The following GKAP1 variants were observed in gnomAD, a reference collection of about 807,000 sequenced individuals.
GKAP1 encodes the protein G kinase-anchoring protein 1.
GKAP1 carries 31 observed loss-of-function variants against 56.7 expected under a neutral mutation model. The ratio of observed to expected loss-of-function variants is 0.55; its 90% confidence interval spans 0.41 to 0.74. The LOEUF (loss-of-function observed/expected upper bound fraction) is 0.74. Among genes scored for constraint, GKAP1 ranks in the 30% least tolerant of loss-of-function variants. The pLI is 0.00. For synonymous variants in GKAP1, 151 were observed against 138.6 expected (o/e 1.09, Z -0.63); for missense variants, 364 against 402.3 (o/e 0.90, Z 0.82).
chr9:83,816,440 A>G (rs1944597958), intron 2 of GKAP1, among the ~76,000 whole-genome samples: 1 of 152,216 alleles, frequency 6.6e-6, no homozygotes, highest in African/African-American at 2.4e-5. Context: ...AGTAAAATAC[A>G]TCTATTTTCA....
chr9:83,781,312 A>G (rs1463298460), intron 6 of GKAP1, among the ~76,000 whole-genome samples: 1 of 152,222 alleles, frequency 6.6e-6, no homozygotes, highest in East Asian at 1.9e-4. Flanking sequence ...GCAGAGAGCC[A>G]GGATCATGCT....
chr9:83,742,029 C>T lies in GKAP1; in HGVS notation c.976G>A (p.Val326Met). The T allele has an allele frequency of 6.3e-7, 1 of 1,578,582 alleles. No homozygotes were observed. Among genetic ancestry groups the T allele is most frequent in the Non-Finnish European group, 8.6e-7 (1 of 1,163,552 alleles). Residue 326 changes from valine (V) to methionine (M), a missense_variant and splice_region_variant, in exon 12 of 13, where the codon GTG becomes ATG. Transcript: ENST00000376371. ...TCTAATGCAGCATGAAGTGAAGTCA[C>T]CTATAACCAAATATTCAATAAGAAA... ...QSIKNELTIQ[V>M]TSLHAALEQE...
chr9:83,771,852 C>T (rs1265260866), intron 7 of GKAP1, among the ~76,000 whole-genome samples: 1 of 152,146 alleles, frequency 6.6e-6, no homozygotes, highest in African/African-American at 2.4e-5. Flanking sequence ...CTCTGGATTT[C>T]ATATCACTAG....
chr9:83,753,075 C>CATAAATA (rs745825765), intron 9 of GKAP1, among the ~76,000 whole-genome samples, 183 bp downstream of exon 9: 16 of 104,488 alleles, frequency 1.5e-4, no homozygotes, highest in African/African-American at 4.9e-4. Context: ...ACAACAACAA[C>CATAAATA]AACAACATAA....
chr9:83,789,462 A>G lies in GKAP1; in HGVS notation c.361-784T>C, dbSNP rs1944118641. ...GTATATAAGATAGCTGCAACATGAC[A>G]TGGGTAAACATCCTGGATTTGTGTA... On this transcript the variant is annotated intron_variant, in intron 4 of 12. Coordinates refer to ENST00000376371, the MANE Select transcript of GKAP1 (RefSeq NM_025211.4). 2.6e-5 allele frequency among the ~76,000 whole-genome samples: 4 copies of G among 152,318 alleles called. No homozygotes were observed. The South Asian group carries it at 8.3e-4, about 32-fold the overall frequency.
At chr9:83,774,145 ACAGG>A (rs1943811142) in intron 7 of GKAP1, among the ~76,000 whole-genome samples, 1 of 151,746 alleles carries the variant, frequency 6.6e-6, no homozygotes, top group Non-Finnish European at 1.5e-5. Flanking sequence ...TGCTGGGATT[ACAGG>A]CGTGAGCCAC....
chr9:83,752,161 T>C (rs1025873751), intron 9 of GKAP1, among the ~76,000 whole-genome samples: 3 of 152,100 alleles, frequency 2.0e-5, no homozygotes, highest in Middle Eastern at 6.3e-3. Context: ...CCCAACACCC[T>C]GAGAGGCCAA....
chr9:83,781,755 A>G (rs928838920), intron 6 of GKAP1, among the ~76,000 whole-genome samples: 3 of 152,194 alleles, frequency 2.0e-5, no homozygotes, highest in Admixed American at 6.5e-5. Context: ...TCAAATTTAC[A>G]TACCATTTAA....
intron 7 of GKAP1, among the ~76,000 whole-genome samples, chr9:83,769,964 T>C (rs540426779): frequency 6.6e-6 from 1 of 152,234 alleles, no homozygotes; most frequent in Admixed American, 6.5e-5. Context: ...CGAATGGTGC[T>C]GAACATCCCT....
At chr9:83,754,742 A>C (rs1343245048) in intron 8 of GKAP1, among the ~76,000 whole-genome samples, 2 of 152,340 alleles carry the variant, frequency 1.3e-5, no homozygotes, top group East Asian at 3.9e-4. Flanking sequence ...TGAAGGCCAT[A>C]AGAACAGTCT....
intron 8 of GKAP1, among the ~76,000 whole-genome samples, chr9:83,754,007 G>A (rs1943435461): frequency 6.6e-6 from 1 of 152,142 alleles, no homozygotes; most frequent in Admixed American, 6.5e-5. Flanking sequence ...ACTTCATCTG[G>A]AGAATTCAGG....
At chr9:83,783,419 C>T (rs1419847767) in intron 6 of GKAP1, among the ~76,000 whole-genome samples, 1 of 152,194 alleles carries the variant, frequency 6.6e-6, no homozygotes, top group Non-Finnish European at 1.5e-5. Context: ...TAAGAAACTA[C>T]ATTTTCATTT....
At chr9:83,745,426 C>G (rs955386754) in intron 10 of GKAP1, among the ~76,000 whole-genome samples, 1 of 152,142 alleles carries the variant, frequency 6.6e-6, no homozygotes. Flanking sequence ...ATAAGTGTTA[C>G]AAGTATTTTC....
At chr9:83,793,055 C>G in intron 4 of GKAP1, 1 of 1,090,100 alleles carries the variant, frequency 9.2e-7, no homozygotes, top group Non-Finnish European at 1.2e-6. Context: ...TTAAGCAAAC[C>G]TATAGCTCAA....
At chr9:83,804,121 TA>T (rs1370217250) in intron 3 of GKAP1, among the ~76,000 whole-genome samples, 2 of 130,070 alleles carry the variant, frequency 1.5e-5, no homozygotes, top group South Asian at 2.6e-4. Context: ...GGGAGGGAGG[TA>T]GGGGGGTCAG....
chr9:83,742,728 T>G, intron 10 of GKAP1, 128 bp from the exon 11 acceptor site: 1 of 541,250 alleles, frequency 1.8e-6, no homozygotes, highest in Non-Finnish European at 3.3e-6. Flanking sequence ...AAGAATCTAC[T>G]TCTTGACCTT....
chr9:83,784,282 AAAG>A (rs1031287991), intron 6 of GKAP1, among the ~76,000 whole-genome samples: 4 of 150,100 alleles, frequency 2.7e-5, no homozygotes, highest in African/African-American at 4.8e-5. Context: ...AGAAAAAAAA[AAAG>A]AAGAATTTAA....
intron 12 of GKAP1, among the ~76,000 whole-genome samples, chr9:83,740,226 T>C (rs945770541): frequency 6.6e-6 from 1 of 152,192 alleles, no homozygotes; most frequent in African/African-American, 2.4e-5. Flanking sequence ...AACTAGGTTA[T>C]GCTTTTCATA....
chr9:83,814,767 T>C (rs1587748476), intron 2 of GKAP1, among the ~76,000 whole-genome samples: 1 of 152,268 alleles, frequency 6.6e-6, no homozygotes, highest in African/African-American at 2.4e-5. Flanking sequence ...ATAACGCAGA[T>C]GTGCATGAGC....
Sources: allele counts gnomAD v4.1 joint callset (sites outside exome capture counted in the v4.1 genomes callset), GRCh38; gene constraint gnomAD v4.1.1; transcripts MANE v1.5; gene names NCBI Gene and HGNC (gene_info 2026-07-23, HGNC 2026-07-21).